Variants in SARS1 observed in about 807,000 individuals in gnomAD.
The protein encoded by SARS1 is serine--tRNA ligase, cytoplasmic.
SARS1 carries 25 observed loss-of-function variants against 63.7 expected under a neutral mutation model. That is an observed-to-expected ratio of 0.39 (90% confidence interval 0.29 to 0.55). The LOEUF (loss-of-function observed/expected upper bound fraction) is 0.55, where lower values mean the gene tolerates loss of function less well. Among genes scored for constraint, SARS1 ranks in the 20% least tolerant of loss-of-function variants. The probability of loss-of-function intolerance (pLI) is 0.62; values close to 1 mark genes in which losing one functional copy is unlikely to be tolerated. For synonymous variants in SARS1, 231 were observed against 243.5 expected (o/e 0.95, Z 0.48); for missense variants, 417 against 649.7 (o/e 0.64, Z 3.89).
At chr1:109,236,892 C>A in intron 9 of SARS1, 1 of 1,582,398 alleles carries the variant, frequency 6.3e-7, no homozygotes, top group African/African-American at 1.3e-5. Context: ...AAGCTGCTCT[C>A]TTCAAACCCA....
chr1:109,214,163 G>T lies in SARS1; in HGVS notation c.136+35G>T, dbSNP rs1557712727. On this transcript the variant is annotated intron_variant, in intron 1 of 10. Transcript: ENST00000234677. This position sits in a 1 kb window ranked among gnomAD's most constrained non-coding sequence, Gnocchi z 4.6. ...GGGACGGGCGGGTTACCTCCTTGATGCTAAACCCAATTTTCTCTCTCAAAT... is the reference window on the plus strand; with the variant it reads ...GGGACGGGCGGGTTACCTCCTTGATTCTAAACCCAATTTTCTCTCTCAAAT... 4 of 1,605,256 alleles carry T rather than the reference G, an allele frequency of 2.5e-6. No homozygotes were observed. Among genetic ancestry groups the T allele is most frequent in the Admixed American group, 1.7e-5 (1 of 59,052 alleles).
intron 6 of SARS1, among the ~76,000 whole-genome samples, chr1:109,234,836 C>T (rs780613669): frequency 1.3e-5 from 2 of 152,096 alleles, no homozygotes; most frequent in East Asian, 1.9e-4. Flanking sequence ...CGTGGTGGCG[C>T]GTGCCTGTAA....
intron 1 of SARS1, chr1:109,216,062 C>CA (rs1557713280): frequency 1.0e-6 from 1 of 985,108 alleles, no homozygotes; most frequent in Non-Finnish European, 1.2e-6. Context: ...CAACCCTTTC[C>CA]AATATTCTCT....
chr1:109,217,171 T>A, intron 1 of SARS1: 2 of 979,916 alleles, frequency 2.0e-6, no homozygotes, highest in Non-Finnish European at 2.4e-6. Flanking sequence ...CAGATGCTCC[T>A]TGACTTAGGA....
intron 4 of SARS1, among the ~76,000 whole-genome samples, chr1:109,230,335 T>C (rs654040): frequency 0.99 from 150,683 of 152,248 alleles, 74,586 homozygotes; most frequent in Middle Eastern, 1. Context: ...AAAATCATCA[T>C]TCCCAGTTTC....
rs1654746634 is a variant in SARS1, at chr1:109,214,714, G to A, written c.136+586G>A. 5 of 985,502 alleles carry A rather than the reference G, an allele frequency of 5.1e-6. No homozygotes were observed. Among genetic ancestry groups the A allele is most frequent in the Non-Finnish European group, 6.0e-6 (5 of 829,960 alleles). The allele number at this position is 985,502 out of a possible 1,614,324, so 61.0% of individuals were successfully genotyped here. On this transcript the variant is annotated intron_variant, in intron 1 of 10. Transcript: ENST00000234677. The surrounding 1 kb of genome is among the most constrained non-coding windows in gnomAD (Gnocchi z 4.6). ...CCTATGGGCATACCTTTAAGAATTA[G>A]AAAAGTCTTTTCCGTGGTAGATCAA...
intron 2 of SARS1, among the ~76,000 whole-genome samples, chr1:109,226,600 C>G (rs1410281082): frequency 6.8e-6 from 1 of 146,288 alleles, no homozygotes; most frequent in African/African-American, 2.5e-5. Context: ...CTCAAGCAGT[C>G]CCCCCGCCTC....
rs767453324 is a variant in SARS1, at chr1:109,224,026, A to G, written c.185A>G (p.Lys62Arg). ...AACAAGCTGAAGAACCTATGCAGCAAGACAATCGGAGAGAAAATGAAGGTA... is the reference window on the plus strand; with the variant it reads ...AACAAGCTGAAGAACCTATGCAGCAGGACAATCGGAGAGAAAATGAAGGTA... The part of the protein sequence containing the change: ...NLNKLKNLCS[K>R]TIGEKMKKKE... The change falls in exon 2 of 11, where the codon AAG becomes AGG. Residue 62 changes from lysine (K) to arginine (R), a missense_variant. By Grantham distance (26) the Lys-to-Arg change is conservative (BLOSUM62 2). This residue lies in a region of SARS1 where 359 missense variants were observed against 529.6 expected (regional missense o/e 0.68). Transcript: ENST00000234677. The G allele has an allele frequency of 6.2e-7, 1 of 1,613,540 alleles. No homozygotes were observed. Among genetic ancestry groups the G allele is most frequent in the South Asian group, 1.1e-5 (1 of 91,076 alleles).
chr1:109,234,835 G>A (rs1259588139), intron 6 of SARS1, among the ~76,000 whole-genome samples: 6 of 152,228 alleles, frequency 3.9e-5, no homozygotes, highest in East Asian at 1.9e-4. Flanking sequence ...GCGTGGTGGC[G>A]CGTGCCTGTA....
chr1:109,225,912 C>T (rs972769620), intron 2 of SARS1, among the ~76,000 whole-genome samples: 2 of 152,198 alleles, frequency 1.3e-5, no homozygotes, highest in African/African-American at 4.8e-5. Flanking sequence ...TTGCAAAAAT[C>T]TTGAGATTTA....
intron 2 of SARS1, among the ~76,000 whole-genome samples, chr1:109,225,940 C>T (rs921246047): frequency 1.3e-5 from 2 of 152,102 alleles, no homozygotes; most frequent in Non-Finnish European, 2.9e-5. Context: ...TTTTCCCTAC[C>T]TCTGTAGTCT....
chr1:109,216,202 C>T (rs574797624), intron 1 of SARS1: 2 of 985,364 alleles, frequency 2.0e-6, no homozygotes, highest in South Asian at 9.4e-5. Context: ...CTCTCATTGC[C>T]TTGAGCAAGG....
rs563806515 is a variant in SARS1, at chr1:109,228,997, T to C, written c.289-417T>C. ...GAATACAAAATATGCTTCAGACAAA[T>C]CTCTTACTCCTAATAAATTTATAAT... On this transcript the variant is annotated intron_variant, in intron 3 of 10. Coordinates refer to ENST00000234677, the MANE Select transcript of SARS1 (RefSeq NM_006513.4). Among the ~76,000 whole-genome samples the C allele has an allele frequency of 3.3e-5, 5 of 152,214 alleles. No individual in the cohort carries two copies. The South Asian group carries it at 1.0e-3, about 32-fold the overall frequency.
chr1:109,236,262 T>C, intron 8 of SARS1, 129 bp from the exon 9 acceptor site: 1 of 1,290,384 alleles, frequency 7.7e-7, no homozygotes. Context: ...TATTTGGTGT[T>C]AAGAATATCT....
chr1:109,237,289 C>T lies in SARS1; in HGVS notation c.1303C>T (p.Arg435Cys), dbSNP rs17856306. 1.9e-6 allele frequency: 3 copies of T among 1,613,998 alleles called. No homozygotes were observed. Among genetic ancestry groups the T allele is most frequent in the African/African-American group, 2.7e-5 (2 of 74,892 alleles). The change falls in exon 10 of 11, where the codon CGT becomes TGT. Residue 435 changes from arginine to cysteine, a missense_variant. Arg to Cys is a radical substitution (Grantham distance 180). Transcript: ENST00000234677. This position sits in a 1 kb window ranked among gnomAD's most constrained non-coding sequence, Gnocchi z 4.1. ...MLNATMCATT[R>C]TICAILENYQ... ...CAATGCTACCATGTGCGCCACTACCCGTACCATCTGCGCCATCCTGGAGAA... is the reference window on the plus strand; with the variant it reads ...CAATGCTACCATGTGCGCCACTACCTGTACCATCTGCGCCATCCTGGAGAA...
Position 109,237,196 on chromosome 1 carries a change from C to T in SARS1, c.1258-48C>T, listed in dbSNP as rs1424254535. On this transcript the variant is annotated intron_variant, in intron 9 of 10. Coordinates refer to ENST00000234677, the MANE Select transcript of SARS1 (RefSeq NM_006513.4). The surrounding 1 kb of genome is among the most constrained non-coding windows in gnomAD (Gnocchi z 4.1). ...GATGGTTCCTGGCCGTCAGTAAGAC[C>T]CGATGAGAGTTGAGCCCGACTTCCC... 1.3e-6 allele frequency: 2 copies of T among 1,583,188 alleles called. No homozygotes were observed. Among genetic ancestry groups the T allele is most frequent in the African/African-American group, 1.4e-5 (1 of 73,302 alleles).
intron 5 of SARS1, 147 bp downstream of exon 5, chr1:109,231,168 T>C: frequency 2.3e-6 from 1 of 436,460 alleles, no homozygotes; most frequent in Non-Finnish European, 3.5e-6. Context: ...TGCAAATGTA[T>C]TGGCAATTAG....
rs1194751617 is a variant in SARS1, at chr1:109,214,034, G to A, written c.42G>A (p.Gly14=). 6 of 1,613,948 alleles carry A rather than the reference G, an allele frequency of 3.7e-6. No individual in the cohort carries two copies. Among genetic ancestry groups the A allele is most frequent in the Non-Finnish European group, 3.4e-6 (4 of 1,179,932 alleles). The part of the protein sequence containing the change: ...DLDLFRVDKG[G]DPALIRETQE... ...ATTTGTTTCGGGTGGATAAAGGAGG[G>A]GACCCAGCCCTCATCCGAGAGACGC... The change falls in exon 1 of 11, where the codon GGG becomes GGA. Residue 14 remains glycine, a synonymous_variant. Transcript: ENST00000234677. This position sits in a 1 kb window ranked among gnomAD's most constrained non-coding sequence, Gnocchi z 4.6.
At chr1:109,236,598 G>A (rs372551105) in intron 9 of SARS1, 50 bp downstream of exon 9, 76 of 1,576,162 alleles carry the variant, frequency 4.8e-5, no homozygotes, top group South Asian at 3.6e-4. Context: ...TACACGGCCC[G>A]TCCGAATTAT....
Sources: gnomAD v4.1 joint callset for allele counts (sites outside exome capture counted in the v4.1 genomes callset) on GRCh38, gnomAD v4.1.1 for gene constraint, gnomAD v4.1.1 regional missense constraint, Gnocchi (gnomAD v3.1) non-coding constraint, MANE v1.5 for transcripts, NCBI Gene and HGNC (gene_info 2026-07-23, HGNC 2026-07-21) for gene names.